DIAPH2: variants seen among roughly 807,000 people sequenced by gnomAD.
The protein encoded by DIAPH2 is diaphanous related formin 2.
A neutral mutation model predicts 92.7 loss-of-function variants in DIAPH2; 35 were observed. The observed-to-expected ratio is 0.38, with a 90% CI of 0.29 to 0.50. DIAPH2 has a LOEUF of 0.50. DIAPH2 is among the 20% of genes least tolerant of loss of function. The pLI is 0.94. For missense variants in DIAPH2, 701 were observed against 819.5 expected (o/e 0.86, Z 1.77); for synonymous variants, 301 against 280.4 (o/e 1.07, Z -0.73).
In DIAPH2 at chrX:97,110,203, A is replaced by G. The variant is rs1010604190; in HGVS notation, c.2350-4523A>G. ...CTCAAGACTCTGTGCTAGGTGCTCC[A>G]CAAGATGCAGCTTTTGACTCCTTTC... On this transcript the variant is annotated intron_variant, in intron 20 of 26. Coordinates refer to ENST00000324765, the MANE Select transcript of DIAPH2 (RefSeq NM_006729.5). Among the ~76,000 whole-genome samples the G allele has an allele frequency of 4.5e-5, 5 of 111,682 alleles. No homozygotes were observed. The East Asian group carries it at 1.1e-3, about 25-fold the overall frequency.
chrX:97,026,821 T>G (rs751806699), intron 17 of DIAPH2, among the ~76,000 whole-genome samples: 1 of 112,655 alleles, frequency 8.9e-6, no homozygotes, highest in South Asian at 3.7e-4. Flanking sequence ...AAAATGGCTC[T>G]GATTTGCCTT....
intron 26 of DIAPH2, among the ~76,000 whole-genome samples, chrX:97,593,381 TCTC>T (rs1489190740): frequency 9.1e-6 from 1 of 110,177 alleles, no homozygotes; most frequent in African/African-American, 3.3e-5. Flanking sequence ...GAACAGCCCA[TCTC>T]CTCTTTGTAA....
chrX:97,158,685 T>G (rs1379916397), intron 22 of DIAPH2, among the ~76,000 whole-genome samples: 1 of 112,387 alleles, frequency 8.9e-6, no homozygotes, highest in Admixed American at 9.5e-5. Context: ...TTGTGGAACA[T>G]TATTATCCTC....
intron 22 of DIAPH2, among the ~76,000 whole-genome samples, chrX:97,199,448 C>G (rs761829606): frequency 1.8e-5 from 2 of 111,532 alleles, no homozygotes; most frequent in Non-Finnish European, 3.8e-5. Context: ...TAATTCTACA[C>G]TCCAGTCTCT....
At chrX:96,754,978 G>A (rs1187165078) in intron 3 of DIAPH2, among the ~76,000 whole-genome samples, 1 of 98,573 alleles carries the variant, frequency 1.0e-5, no homozygotes, top group Non-Finnish European at 2.0e-5. Flanking sequence ...ACATAGATGA[G>A]CATCTGTGGA....
At chrX:97,245,059 C>G (rs752444882) in intron 22 of DIAPH2, among the ~76,000 whole-genome samples, 1 of 109,785 alleles carries the variant, frequency 9.1e-6, no homozygotes, top group African/African-American at 3.3e-5. Context: ...CCACTACACT[C>G]CAGCCTGGCG....
At chrX:96,760,655 A>G (rs1048844494) in intron 4 of DIAPH2, among the ~76,000 whole-genome samples, 2 of 111,485 alleles carry the variant, frequency 1.8e-5, no homozygotes, top group African/African-American at 6.5e-5. Context: ...AAATGAAGCT[A>G]TACACCAATA....
chrX:97,443,893 T>C (rs2070283901), intron 26 of DIAPH2, among the ~76,000 whole-genome samples: 1 of 112,018 alleles, frequency 8.9e-6, no homozygotes, highest in African/African-American at 3.2e-5. Flanking sequence ...AAAATAAGAA[T>C]AGAGTGACAA....
intron 22 of DIAPH2, among the ~76,000 whole-genome samples, chrX:97,216,288 A>G (rs927319126): frequency 2.7e-5 from 3 of 111,283 alleles, no homozygotes; most frequent in African/African-American, 9.8e-5. Flanking sequence ...AACTCATACT[A>G]CACATTTTCT....
At chrX:97,024,779 A>G (rs778067389) in intron 17 of DIAPH2, among the ~76,000 whole-genome samples, 67 of 111,916 alleles carry the variant, frequency 6.0e-4, no homozygotes, top group Non-Finnish European at 9.8e-4. Flanking sequence ...AAAATAACTG[A>G]TGTCTTTCCT....
rs1234663626 is a variant in DIAPH2 at position 96,806,646 on chromosome X, C to CA, written c.447+48406dup. Reference sequence around the variant, plus strand: ...GGGCAACAGTAGTGAAACTCCATCTCAAAAAAAAAAAAAAAAAAGAAACAA... The same window carrying CA: ...GGGCAACAGTAGTGAAACTCCATCTCAAAAAAAAAAAAAAAAAAAGAAACAA... On this transcript the variant is annotated intron_variant, in intron 4 of 26. Transcript: ENST00000324765. Among the ~76,000 whole-genome samples, 121 of 34,386 alleles carry CA rather than the reference C, an allele frequency of 3.5e-3. 3 individuals carry two copies. Among genetic ancestry groups the CA allele is most frequent in the East Asian group, 0.013 (9 of 714 alleles). The allele number at this position is 34,386 out of a possible 115,157, so 29.9% of individuals were successfully genotyped here.
chrX:97,360,511 C>T (rs1211540049), intron 24 of DIAPH2, among the ~76,000 whole-genome samples: 3 of 109,648 alleles, frequency 2.7e-5, no homozygotes, highest in Non-Finnish European at 5.7e-5. Context: ...ATAATCCCAG[C>T]TACTTGGGAG....
intron 1 of DIAPH2, among the ~76,000 whole-genome samples, chrX:96,732,984 A>G (rs1347111125): frequency 2.7e-5 from 3 of 112,009 alleles, no homozygotes; most frequent in Non-Finnish European, 5.6e-5. Context: ...CAGGGCTTTG[A>G]ATTCCATATT....
intron 3 of DIAPH2, among the ~76,000 whole-genome samples, chrX:96,751,932 C>T (rs1414372045): frequency 1.0e-5 from 1 of 98,707 alleles, no homozygotes; most frequent in Non-Finnish European, 2.2e-5. Flanking sequence ...GTATTACAGG[C>T]GTGAGCCACC....
At chrX:97,393,639 T>TA (rs934417051) in intron 25 of DIAPH2, among the ~76,000 whole-genome samples, 17 of 111,331 alleles carry the variant, frequency 1.5e-4, no homozygotes, top group Non-Finnish European at 2.3e-4. Flanking sequence ...TAGGGACCAC[T>TA]AAAAAAAAGA....
Position 97,073,032 on chromosome X carries a change from T to C in DIAPH2, c.2142T>C (p.Ala714=), listed in dbSNP as rs1165550471. Residue 714 remains alanine (A), a synonymous_variant, in exon 18 of 27, where the codon GCT becomes GCC. Transcript: ENST00000324765. ...TGAGAATTTTGGATCCCAAAACAGC[T>C]CAGAATCTGTGTATGTAATATTTTC... is the stretch of plus-strand genomic sequence containing the variant. The part of the protein sequence containing the change: ...KELRILDPKT[A]QNLSIFLGSY... The C allele has an allele frequency of 8.5e-7, 1 of 1,182,492 alleles. No individual in the cohort carries two copies. Among genetic ancestry groups the C allele is most frequent in the Admixed American group, 2.3e-5 (1 of 44,059 alleles).
chrX:97,491,294 T>A (rs910558512), intron 26 of DIAPH2, among the ~76,000 whole-genome samples: 9 of 112,342 alleles, frequency 8.0e-5, no homozygotes, highest in African/African-American at 2.9e-4. Context: ...AGGCTATGTG[T>A]GTCCTCAAAG....
chrX:97,132,049 C>T (rs943995281), intron 21 of DIAPH2, among the ~76,000 whole-genome samples: 1 of 111,582 alleles, frequency 9.0e-6, no homozygotes, highest in South Asian at 3.7e-4. Flanking sequence ...GCACAAATGC[C>T]CTGCTGGTCC....
At chrX:97,531,187 G>A (rs1017303789) in intron 26 of DIAPH2, among the ~76,000 whole-genome samples, 2 of 111,526 alleles carry the variant, frequency 1.8e-5, no homozygotes, top group East Asian at 2.8e-4. Context: ...GAGATAGGTT[G>A]TATTGTTCTC....
Sources: allele counts gnomAD v4.1 joint callset (sites outside exome capture counted in the v4.1 genomes callset), GRCh38; gene constraint gnomAD v4.1.1; transcripts MANE v1.5; gene names NCBI Gene and HGNC (gene_info 2026-07-23, HGNC 2026-07-21).